CARS2: variants seen among roughly 807,000 people sequenced by gnomAD.
CARS2 encodes probable cysteine--tRNA ligase, mitochondrial.
A neutral mutation model predicts 68.8 loss-of-function variants in CARS2; 52 were observed. That is an observed-to-expected ratio of 0.76 (90% CI 0.61 to 0.95). CARS2 has a LOEUF of 0.95. CARS2 is among the 40% of genes least tolerant of loss of function. The pLI is 0.00. For synonymous variants in CARS2, 314 were observed against 303.6 expected (o/e 1.03, Z -0.36); for missense variants, 780 against 754.2 (o/e 1.03, Z -0.40).
At chr13:110,649,979 C>G (rs1042085381) in intron 10 of CARS2, among the ~76,000 whole-genome samples, 1 of 143,122 alleles carries the variant, frequency 7.0e-6, no homozygotes, top group Non-Finnish European at 1.5e-5. Flanking sequence ...GCTCTGTTAC[C>G]CAGGCTGGAG....
intron 9 of CARS2, among the ~76,000 whole-genome samples, chr13:110,659,309 A>C (rs1285441582): frequency 6.6e-6 from 1 of 152,160 alleles, no homozygotes; most frequent in Non-Finnish European, 1.5e-5. Flanking sequence ...AACAGGGTGC[A>C]AGTTTTCCTT....
In CARS2 at chr13:110,687,721, CT is replaced by C; in HGVS notation, c.570del (p.Gly191AlafsTer7). ...IARGNAYSTA[K>X]GNVYFDLKSR... ...AAAAAAAAAAGAACATAAACCCTAC[CT>C]TTTGCCGTTGAATAAGCGTTCCCAC... is the stretch of plus-strand genomic sequence containing the variant. On this transcript the variant is annotated frameshift_variant and splice_region_variant, in exon 5 of 15. Coordinates refer to ENST00000257347, the MANE Select transcript of CARS2 (RefSeq NM_024537.4). LOFTEE classifies it high-confidence loss of function. The C allele has an allele frequency of 6.4e-7, 1 of 1,562,834 alleles. No individual in the cohort carries two copies. Among genetic ancestry groups the C allele is most frequent in the Non-Finnish European group, 8.8e-7 (1 of 1,141,338 alleles).
At chr13:110,709,421 C>A (rs75939129), upstream of CARS2, among the ~76,000 whole-genome samples, 1,592 of 152,040 alleles carry the variant, frequency 0.01, 25 homozygotes, top group African/African-American at 0.036. Context: ...AAGGCTTTTG[C>A]GGATCATCAA....
intron 3 of CARS2, among the ~76,000 whole-genome samples, chr13:110,689,177 T>C (rs2063387741): frequency 6.6e-6 from 1 of 152,206 alleles, no homozygotes; most frequent in Non-Finnish European, 1.5e-5. Context: ...AATGAAAAAC[T>C]CTACATGAAC....
chr13:110,695,365 A>T (rs1372553078), intron 3 of CARS2, among the ~76,000 whole-genome samples: 1 of 152,204 alleles, frequency 6.6e-6, no homozygotes, highest in Non-Finnish European at 1.5e-5. Flanking sequence ...TGTATTAGTT[A>T]TTAAAAGTAA....
intron 7 of CARS2, among the ~76,000 whole-genome samples, chr13:110,675,930 C>T (rs1049880530): frequency 3.3e-5 from 5 of 152,102 alleles, no homozygotes; most frequent in African/African-American, 4.8e-5. Flanking sequence ...CCAAGGCGGG[C>T]GGATTACCTG....
chr13:110,704,751 A>AG (rs1478466117), intron 2 of CARS2, among the ~76,000 whole-genome samples: 6 of 152,194 alleles, frequency 3.9e-5, no homozygotes, highest in Admixed American at 3.3e-4. Context: ...AAAAAAAAAA[A>AG]GTATACAGAG....
intron 1 of CARS2, chr13:110,712,342 A>T: frequency 6.0e-6 from 1 of 165,334 alleles, no homozygotes; most frequent in Non-Finnish European, 1.3e-5. Context: ...TCCAAGGCGG[A>T]AGAAAATCAG....
In CARS2 at chr13:110,705,307, T is replaced by C. The variant is rs2063908039; in HGVS notation, c.275+214A>G. ...AAACGGGTCATTTTTCAGTGCTCCA[T>C]TGTCTCCCTGAGTTTCCTCACCTGT... On this transcript the variant is annotated intron_variant, in intron 2 of 14. Transcript: ENST00000257347. The surrounding 1 kb of genome is among the most constrained non-coding windows in gnomAD (Gnocchi z 4.0). 2.0e-5 allele frequency among the ~76,000 whole-genome samples: 3 copies of C among 152,312 alleles called. No individual in the cohort carries two copies. The South Asian group carries it at 6.2e-4, about 32-fold the overall frequency.
intron 7 of CARS2, among the ~76,000 whole-genome samples, chr13:110,674,134 C>A (rs1208831021): frequency 6.6e-6 from 1 of 152,160 alleles, no homozygotes; most frequent in Non-Finnish European, 1.5e-5. Flanking sequence ...GGCCATACTG[C>A]CCAAGGTAAC....
At chr13:110,664,836 G>T in intron 8 of CARS2, 1 of 362,540 alleles carries the variant, frequency 2.8e-6, no homozygotes, top group Non-Finnish European at 3.8e-6. Context: ...CTCGAGAGCT[G>T]ACGGCCGTCT....
chr13:110,650,902 C>T (rs1184791228), intron 10 of CARS2, 132 bp downstream of exon 10: 9 of 684,072 alleles, frequency 1.3e-5, no homozygotes, highest in African/African-American at 1.8e-5. Flanking sequence ...CAACCCGAAC[C>T]GTAAGGCACA....
At chr13:110,684,641 C>A (rs554839954) in intron 5 of CARS2, among the ~76,000 whole-genome samples, 1 of 151,598 alleles carries the variant, frequency 6.6e-6, no homozygotes, top group South Asian at 2.1e-4. Context: ...TCTGGTCATT[C>A]AGGGTTGACC....
chr13:110,701,656 C>T, intron 2 of CARS2, 101 bp from the exon 3 acceptor site: 1 of 706,642 alleles, frequency 1.4e-6, no homozygotes, highest in Non-Finnish European at 2.6e-6. Context: ...ATAACTTCTA[C>T]TGTGTAGCAC....
chr13:110,712,770 A>C, intron 1 of CARS2: 5 of 707,110 alleles, frequency 7.1e-6, no homozygotes, highest in Non-Finnish European at 7.7e-6. Context: ...CAGGGCGGGA[A>C]GAGATAAGGC....
rs767243208 is a variant in CARS2, at chr13:110,687,765, A to C, written c.527T>G (p.Ile176Ser). The C allele has an allele frequency of 9.3e-6, 15 of 1,613,538 alleles. No individual in the cohort carries two copies. The highest frequency in any genetic ancestry group is 1.2e-5 in the Non-Finnish European group (14 of 1,179,590). The change falls in exon 5 of 15, where the codon ATT (isoleucine) becomes AGT (serine). Residue 176 changes from isoleucine to serine, a missense_variant. By Grantham distance (142) the Ile-to-Ser change is moderately radical. Coordinates refer to ENST00000257347, the MANE Select transcript of CARS2 (RefSeq NM_024537.4). Reference protein sequence around the residue: ...TENIPQIISFIEGIIARGNAY... With the variant: ...TENIPQIISFSEGIIARGNAY... ...GTTCCCACGAGCAATGATTCCTTCA[A>C]TGAAAGAAATTATCTGAGGAATATT...
At position 110,676,898 on chromosome 13, in the gene CARS2, T is replaced by A; in HGVS notation, c.785+76A>T. The A allele has an allele frequency of 6.9e-7, 1 of 1,444,994 alleles. No individual in the cohort carries two copies. Among genetic ancestry groups the A allele is most frequent in the Non-Finnish European group, 9.1e-7 (1 of 1,095,412 alleles). The allele number at this position is 1,444,994 out of a possible 1,614,324, so 89.5% of individuals were successfully genotyped here. A position where few individuals can be genotyped will look rare whatever the true frequency, so the allele number is the denominator to read the frequency against. On this transcript the variant is annotated intron_variant, in intron 7 of 14. Transcript: ENST00000257347. The surrounding 1 kb of genome is among the most constrained non-coding windows in gnomAD (Gnocchi z 4.0). ...ACGTGCCAGGCTGCACCTGCTCCCA[T>A]GCACATCCTCTGCTGCCCTGAGCAG...
chr13:110,711,942 A>T (rs2064031919), intron 1 of CARS2, among the ~76,000 whole-genome samples: 1 of 152,252 alleles, frequency 6.6e-6, no homozygotes, highest in Admixed American at 6.5e-5. Context: ...ATACGTTTTT[A>T]AAAAATCCAA....
At chr13:110,678,561 TC>T (rs1230787415) in intron 6 of CARS2, among the ~76,000 whole-genome samples, 1 of 152,158 alleles carries the variant, frequency 6.6e-6, no homozygotes, top group Non-Finnish European at 1.5e-5. Context: ...AAGAATAACA[TC>T]CTCTGGGCAC....
Sources: allele counts gnomAD v4.1 joint callset (sites outside exome capture counted in the v4.1 genomes callset), GRCh38; gene constraint gnomAD v4.1.1; non-coding constraint Gnocchi (gnomAD v3.1); transcripts MANE v1.5; gene names NCBI Gene and HGNC (gene_info 2026-07-23, HGNC 2026-07-21).